ANTXRL: variants seen among roughly 807,000 people sequenced by gnomAD.
ANTXRL encodes ANTXR like.
In ANTXRL, 63 loss-of-function variants were observed where a neutral mutation model predicts 75.4. The ratio of observed to expected loss-of-function variants is 0.84; its 90% CI spans 0.68 to 1.03. The LOEUF (loss-of-function observed/expected upper bound fraction) is 1.03. Among genes scored for constraint, ANTXRL ranks in the 50% least tolerant of loss-of-function variants. The pLI is 0.00. For synonymous variants in ANTXRL, 335 were observed against 291.3 expected, an observed-to-expected ratio of 1.15 and a Z score of -1.53; for missense variants, 797 against 789.4, an observed-to-expected ratio of 1.01 and a Z score of -0.12.
rs782136804 is a variant in ANTXRL, at chr10:46,295,979, A to G, written c.393-40A>G. On this transcript the variant is annotated intron_variant, in intron 3 of 16. Coordinates refer to ENST00000620264, the MANE Select transcript of ANTXRL (RefSeq NM_001278688.3). ...CTTGGGAGCTGATTTTTAACAGTCA[A>G]TGTCTTTCCAGGTCAACCACCTTTT... 6.1e-5 allele frequency: 91 copies of G among 1,495,588 alleles called. 1 individual carries two copies. Among genetic ancestry groups the G allele is most frequent in the African/African-American group, 5.0e-4 (36 of 72,198 alleles). The allele number at this position is 1,495,588 out of a possible 1,614,324, so 92.6% of individuals were successfully genotyped here.
intron 9 of ANTXRL, among the ~76,000 whole-genome samples, chr10:46,300,727 C>G (rs1319970851): frequency 7.2e-5 from 11 of 152,174 alleles, no homozygotes; most frequent in African/African-American, 2.2e-4. Flanking sequence ...GATGACCAGC[C>G]CCTCTGACTC....
intron 16 of ANTXRL, among the ~76,000 whole-genome samples, chr10:46,325,327 T>C (rs1255611650): frequency 1.3e-5 from 2 of 152,264 alleles, no homozygotes; most frequent in Middle Eastern, 3.4e-3. Context: ...GGCATCTACC[T>C]TGGGGTAAGG....
intron 16 of ANTXRL, among the ~76,000 whole-genome samples, chr10:46,313,813 T>G (rs1554964140): frequency 6.6e-6 from 1 of 152,158 alleles, no homozygotes; most frequent in East Asian, 1.9e-4. Context: ...ATTATCCAGT[T>G]TGGTGAAGGG....
intron 16 of ANTXRL, 116 bp downstream of exon 16, chr10:46,313,432 GGCACA>G: frequency 9.3e-7 from 1 of 1,073,034 alleles, no homozygotes; most frequent in Non-Finnish European, 1.4e-6. Flanking sequence ...AAAAGAGGAC[GGCACA>G]AGACACACAG....
In ANTXRL at chr10:46,297,340, T is replaced by C; in HGVS notation, c.585+12T>C. The C allele has an allele frequency of 6.5e-7, 1 of 1,536,326 alleles. No homozygotes were observed. Among genetic ancestry groups the C allele is most frequent in the Non-Finnish European group, 8.7e-7 (1 of 1,146,762 alleles). ...ACACTCTCAGAGAAGTGAGTCCAGT[T>C]CATACTTACCAGCATTTTGCTCCAT... On this transcript the variant is annotated intron_variant, in intron 6 of 16. Transcript: ENST00000620264.
rs181156791 is a variant in ANTXRL, at chr10:46,304,312, G to A, written c.895+1492G>A. ...AAGAAAACAGTATTTATTCAGGAAC[G>A]GTGCCCGGCACTGGGAATGTGTGTG... On this transcript the variant is annotated intron_variant, in intron 10 of 16. Coordinates refer to ENST00000620264, the MANE Select transcript of ANTXRL (RefSeq NM_001278688.3). Among the ~76,000 whole-genome samples, 220 of 152,248 alleles carry A rather than the reference G, an allele frequency of 1.4e-3. 5 individuals carry two copies. The highest frequency in any genetic ancestry group is 0.014 in the Admixed American group (211 of 15,286).
intron 1 of ANTXRL, among the ~76,000 whole-genome samples, chr10:46,289,817 T>C (rs529310002): frequency 1.3e-5 from 2 of 152,066 alleles, no homozygotes; most frequent in Non-Finnish European, 2.9e-5. Context: ...CTAGTGACCT[T>C]TAGTGTATTT....
At position 46,328,349 on chromosome 10, in the gene ANTXRL, C is replaced by T. The variant is rs182527776; in HGVS notation, c.1411-1250C>T. On this transcript the variant is annotated intron_variant, in intron 16 of 16. Coordinates refer to ENST00000620264, the MANE Select transcript of ANTXRL (RefSeq NM_001278688.3). ...TTATCTAATTGCCTGCCTGCTAAGCCCCAAGAGAACAGCCTTGGGGAAACC... is the reference window on the plus strand; with the variant it reads ...TTATCTAATTGCCTGCCTGCTAAGCTCCAAGAGAACAGCCTTGGGGAAACC... Among the ~76,000 whole-genome samples the T allele has an allele frequency of 2.2e-3, 336 of 152,166 alleles. 3 individuals are homozygous for T. The highest frequency in any genetic ancestry group is 3.9e-3 in the Non-Finnish European group (266 of 68,028).
At chr10:46,303,738 A>C (rs1310492903) in intron 10 of ANTXRL, among the ~76,000 whole-genome samples, 3 of 151,940 alleles carry the variant, frequency 2.0e-5, no homozygotes, top group African/African-American at 7.3e-5. Flanking sequence ...GCATCAGGGA[A>C]CCTCTGTGAT....
chr10:46,293,287 TGC>T (rs1837104289), intron 2 of ANTXRL, among the ~76,000 whole-genome samples: 3 of 50,396 alleles, frequency 6.0e-5, no homozygotes, highest in African/African-American at 1.1e-4. Flanking sequence ...TGAGAGTGTG[TGC>T]GTGTGTGCCT....
chr10:46,297,967 T>G (rs1554959458), intron 8 of ANTXRL, 35 bp from the exon 9 acceptor site: 14 of 1,535,638 alleles, frequency 9.1e-6, no homozygotes, highest in Non-Finnish European at 1.2e-5. Context: ...GGAAGCTCAC[T>G]CTCCCTGTCC....
rs2999446 is a variant in ANTXRL, at chr10:46,311,575, G to A, written c.1239G>A (p.Pro413=). The A allele has an allele frequency of 0.13, 202,283 of 1,509,388 alleles. 12,877 individuals are homozygous for A. Among genetic ancestry groups the A allele is most frequent in the Admixed American group, 0.2 (10,058 of 50,668 alleles). 93.5% of individuals were successfully genotyped at this position (1,509,388 alleles called of 1,614,324 possible). ...PPPPPPPPPL[P]PPPPAPVNTC... is the part of the protein sequence containing the mutation. ...CTCCGCCTCCACCACCTCCACTCCC[G>A]CCTCCGCCCCCAGCTCCTGTAAACA... Residue 413 remains proline (P), a synonymous_variant, in exon 15 of 17, where the codon CCG becomes CCA. Coordinates refer to ENST00000620264, the MANE Select transcript of ANTXRL (RefSeq NM_001278688.3).
At chr10:46,309,678 A>G (rs1838307244) in intron 13 of ANTXRL, among the ~76,000 whole-genome samples, 1 of 73,870 alleles carries the variant, frequency 1.4e-5, no homozygotes, top group African/African-American at 5.4e-5. Context: ...ATCTCGGCAC[A>G]TGTCTAGTTC....
Position 46,299,245 on chromosome 10 carries a change from G to C in ANTXRL, c.796+1183G>C, listed in dbSNP as rs547545379. 3.7e-4 allele frequency among the ~76,000 whole-genome samples: 57 copies of C among 152,234 alleles called. 2 individuals carry two copies. The South Asian group carries it at 9.1e-3, about 24-fold the overall frequency. Reference sequence around the variant, plus strand: ...GAAGTAGGGGTGTCAACATCCCACAGCACCCTATGAGCAGAAGGAAACTTC... The same window carrying C: ...GAAGTAGGGGTGTCAACATCCCACACCACCCTATGAGCAGAAGGAAACTTC... On this transcript the variant is annotated intron_variant, in intron 9 of 16. Coordinates refer to ENST00000620264, the MANE Select transcript of ANTXRL (RefSeq NM_001278688.3).
chr10:46,305,224 G>A (rs1838002514), intron 10 of ANTXRL, among the ~76,000 whole-genome samples: 1 of 152,118 alleles, frequency 6.6e-6, no homozygotes. Context: ...GCAGTTCAGG[G>A]ATCTCTGTCC....
chr10:46,298,888 T>C (rs1233629593), intron 9 of ANTXRL, among the ~76,000 whole-genome samples: 4 of 149,826 alleles, frequency 2.7e-5, no homozygotes, highest in African/African-American at 9.9e-5. Flanking sequence ...TCGGTGGGAG[T>C]GGACATGTGG....
intron 13 of ANTXRL, 89 bp downstream of exon 13, chr10:46,309,291 C>T (rs1256665224): frequency 1.5e-5 from 23 of 1,524,252 alleles, no homozygotes; most frequent in Middle Eastern, 2.1e-4. Flanking sequence ...CCCGTGATCC[C>T]GCCTGTGGGA....
intron 2 of ANTXRL, among the ~76,000 whole-genome samples, chr10:46,293,294 GTGCC>G (rs1554957168): frequency 6.3e-5 from 3 of 47,682 alleles, no homozygotes; most frequent in African/African-American, 1.7e-4. Flanking sequence ...GTGTGCGTGT[GTGCC>G]TGTGTGTGTG....
intron 10 of ANTXRL, among the ~76,000 whole-genome samples, chr10:46,306,390 T>C (rs1337726539): frequency 2.0e-5 from 3 of 152,310 alleles, no homozygotes; most frequent in South Asian, 2.1e-4. Flanking sequence ...CATTATTTCA[T>C]GTTCCTCTAG....
Sources: gnomAD v4.1 joint callset for allele counts (sites outside exome capture counted in the v4.1 genomes callset) on GRCh38, gnomAD v4.1.1 for gene constraint, MANE v1.5 for transcripts, NCBI Gene and HGNC (gene_info 2026-07-23, HGNC 2026-07-21) for gene names.